NRCAM: variants seen among roughly 807,000 people sequenced by gnomAD.
NRCAM encodes the protein neuronal cell adhesion molecule.
A neutral mutation model predicts 156.5 loss-of-function variants in NRCAM; 83 were observed. The ratio of observed to expected loss-of-function variants is 0.53; its 90% CI spans 0.44 to 0.64. The LOEUF is 0.64. NRCAM is among the 30% of genes least tolerant of loss of function. The probability of loss-of-function intolerance (pLI) is 0.00; values close to 1 mark genes in which losing one functional copy is unlikely to be tolerated. For missense variants in NRCAM, 1,417 were observed against 1,597.3 expected (o/e 0.89, Z 1.92); for synonymous variants, 538 against 563.9 (o/e 0.95, Z 0.65).
chr7:108,188,748 A>G (rs2068962181), intron 20 of NRCAM, among the ~76,000 whole-genome samples: 1 of 147,124 alleles, frequency 6.8e-6, no homozygotes. Flanking sequence ...GACATTGAAC[A>G]CTCAAGTAGG....
intron 2 of NRCAM, among the ~76,000 whole-genome samples, chr7:108,337,969 G>A (rs1490225397): frequency 1.3e-5 from 2 of 152,224 alleles, no homozygotes; most frequent in Non-Finnish European, 2.9e-5. Flanking sequence ...AACGATTAGC[G>A]TGGCCTCCGG....
rs139475427 is a variant in NRCAM at position 108,322,455 on chromosome 7, C to T, written c.-173-9724G>A. 6.1e-3 allele frequency among the ~76,000 whole-genome samples: 930 copies of T among 152,314 alleles called. 11 individuals are homozygous for T. Among genetic ancestry groups the T allele is most frequent in the African/African-American group, 0.021 (891 of 41,570 alleles). On this transcript the variant is annotated intron_variant, in intron 2 of 32. Transcript: ENST00000379028. The stretch of plus-strand genomic sequence containing the variant: ...GTTCCCTATTGGTTGGGACTTGGGA[C>T]CTCCTAATGAGGACTTTGTCTCTAG...
intron 32 of NRCAM, among the ~76,000 whole-genome samples, chr7:108,155,961 CCTA>C (rs1328377687): frequency 3.3e-5 from 5 of 151,970 alleles, no homozygotes; most frequent in African/African-American, 1.2e-4. Flanking sequence ...TCTGTTAAAT[CCTA>C]CTGAGTAAAA....
At position 108,364,510 on chromosome 7, in the gene NRCAM, A is replaced by T. The variant is rs548717607; in HGVS notation, c.-174+34926T>A. ...CCAGAGATTCCACTCCTATGTATAGACCCGGGAGAACTGAAAGCATATATC... is the reference window on the plus strand; with the variant it reads ...CCAGAGATTCCACTCCTATGTATAGTCCCGGGAGAACTGAAAGCATATATC... On this transcript the variant is annotated intron_variant, in intron 2 of 32. Coordinates refer to ENST00000379028, the MANE Select transcript of NRCAM (RefSeq NM_001037132.4). 7.2e-5 allele frequency among the ~76,000 whole-genome samples: 11 copies of T among 152,250 alleles called. No individual in the cohort carries two copies. In the South Asian group the frequency reaches 2.3e-3, roughly 32 times the overall value.
intron 3 of NRCAM, among the ~76,000 whole-genome samples, chr7:108,269,556 G>A (rs1473308949): frequency 6.6e-6 from 1 of 152,148 alleles, no homozygotes; most frequent in Non-Finnish European, 1.5e-5. Context: ...AGGGGTCCAG[G>A]TGTCATAAGA....
At position 108,194,146 on chromosome 7, in the gene NRCAM, G is replaced by T; in HGVS notation, c.1656C>A (p.Pro552=). 1.2e-6 allele frequency: 2 copies of T among 1,613,996 alleles called. No individual in the cohort carries two copies. Among genetic ancestry groups the T allele is most frequent in the African/African-American group, 2.7e-5 (2 of 75,024 alleles). The part of the protein sequence containing the change: ...IKDPTWIVKQ[P]EYAVVQRGSM... ...TCCCTCTTTGCACAACTGCATATTC[G>T]GGCTGTTTAACGATCCATGTAGGAT... The change falls in exon 17 of 33, where the codon CCC becomes CCA. Residue 552 remains proline, a synonymous_variant. Transcript: ENST00000379028.
In NRCAM at chr7:108,208,937, G is replaced by A. The variant is rs148567716; in HGVS notation, c.1075+484C>T. Among the ~76,000 whole-genome samples, 34 of 152,276 alleles carry A rather than the reference G, an allele frequency of 2.2e-4. No individual in the cohort carries two copies. In the East Asian group the frequency reaches 6.4e-3, roughly 28 times the overall value. On this transcript the variant is annotated intron_variant, in intron 12 of 32. Coordinates refer to ENST00000379028, the MANE Select transcript of NRCAM (RefSeq NM_001037132.4). ...ACTATTTCCCTGGATTCCATACTCT[G>A]TTCATTAGTGTCCAGCATACACTCA...
chr7:108,299,489 T>C (rs2098546513), intron 3 of NRCAM, among the ~76,000 whole-genome samples: 2 of 152,190 alleles, frequency 1.3e-5, no homozygotes, highest in Non-Finnish European at 2.9e-5. Context: ...AAGATAAGAA[T>C]ACCCAATGTA....
intron 2 of NRCAM, among the ~76,000 whole-genome samples, chr7:108,329,502 C>T (rs1048835931): frequency 6.6e-6 from 1 of 152,134 alleles, no homozygotes; most frequent in Non-Finnish European, 1.5e-5. Context: ...ACTCATTCAC[C>T]AGCTATGATT....
chr7:108,307,837 G>T (rs13225168), intron 3 of NRCAM, among the ~76,000 whole-genome samples: 44,228 of 151,898 alleles, frequency 0.29, 7,131 homozygotes, highest in East Asian at 0.6. Flanking sequence ...GTCAGGATTC[G>T]ACTCCCTCCA....
intron 3 of NRCAM, among the ~76,000 whole-genome samples, chr7:108,249,752 TTCTGCTGTC>T (rs891372671): frequency 4.6e-5 from 7 of 152,248 alleles, no homozygotes; most frequent in Non-Finnish European, 7.3e-5. Context: ...CTTTGGCATA[TTCTGCTGTC>T]TCTGCTCAAT....
intron 1 of NRCAM, among the ~76,000 whole-genome samples, chr7:108,424,252 G>A (rs1345123320): frequency 6.6e-6 from 1 of 152,200 alleles, no homozygotes; most frequent in African/African-American, 2.4e-5. Context: ...AGAAGGGAGT[G>A]AGCTAGAAAC....
chr7:108,293,940 C>T (rs1592050152), intron 3 of NRCAM, among the ~76,000 whole-genome samples: 2 of 152,170 alleles, frequency 1.3e-5, no homozygotes, highest in Admixed American at 1.3e-4. Context: ...TAGCCCACAC[C>T]TGTTCCTCTA....
intron 3 of NRCAM, among the ~76,000 whole-genome samples, chr7:108,268,636 T>TGGGGGGGGGGGGAGGGGGG (rs1300340254): frequency 2.4e-4 from 2 of 8,492 alleles, no homozygotes; most frequent in Non-Finnish European, 4.5e-4. Flanking sequence ...GGGGGGGGGT[T>TGGGGGGGGGGGGAGGGGGG]GGGGGGGGCG....
At chr7:108,184,349 C>G in intron 21 of NRCAM, 38 bp from the exon 22 acceptor site, 3 of 1,613,628 alleles carry the variant, frequency 1.9e-6, no homozygotes, top group Non-Finnish European at 2.5e-6. Context: ...AAGCTTTGGC[C>G]TTTTGCGAAG....
At chr7:108,411,491 A>G (rs1305251694) in intron 1 of NRCAM, among the ~76,000 whole-genome samples, 1 of 152,182 alleles carries the variant, frequency 6.6e-6, no homozygotes, top group African/African-American at 2.4e-5. Context: ...ATGTTACAAC[A>G]TGTGTTGAGA....
At chr7:108,240,827 A>T (rs573156580) in intron 3 of NRCAM, among the ~76,000 whole-genome samples, 4 of 152,180 alleles carry the variant, frequency 2.6e-5, no homozygotes, top group African/African-American at 9.6e-5. Context: ...TCTTTAAACA[A>T]GTACTTAAAA....
intron 3 of NRCAM, among the ~76,000 whole-genome samples, chr7:108,275,624 T>G (rs2097565678): frequency 6.6e-6 from 1 of 152,230 alleles, no homozygotes; most frequent in South Asian, 2.1e-4. Context: ...GATTCTTCTC[T>G]CTTTTCTTTA....
rs2099582621 is a variant in NRCAM, at chr7:108,364,893, A to C, written c.-174+34543T>G. Among the ~76,000 whole-genome samples the C allele has an allele frequency of 2.0e-5, 3 of 152,166 alleles. No homozygotes were observed. In the South Asian group the frequency reaches 6.2e-4, roughly 32 times the overall value. ...CATAGCTTCTTTTGGAGATGACGAA[A>C]GAGTTTTGAAGTCAGATAATGATGA... On this transcript the variant is annotated intron_variant, in intron 2 of 32. Transcript: ENST00000379028.
Sources: allele counts gnomAD v4.1 joint callset (sites outside exome capture counted in the v4.1 genomes callset), GRCh38; gene constraint gnomAD v4.1.1; transcripts MANE v1.5; gene names NCBI Gene and HGNC (gene_info 2026-07-23, HGNC 2026-07-21).